KMT2C: variants seen among roughly 807,000 people sequenced by gnomAD.
The protein encoded by KMT2C is lysine methyltransferase 2C, also known as histone-lysine N-methyltransferase 2C.
Under a neutral mutation model 507.9 loss-of-function variants are expected in KMT2C, and 88 were observed. The ratio of observed to expected loss-of-function variants is 0.17; its 90% CI spans 0.15 to 0.21. The LOEUF (loss-of-function observed/expected upper bound fraction) is 0.21. Among genes scored for constraint, KMT2C ranks in the 10% least tolerant of loss-of-function variants. KMT2C has a pLI of 1.00. For synonymous variants in KMT2C, 2,049 were observed against 2,080.8 expected (o/e 0.98, Z 0.42); for missense variants, 4,954 against 5,957.8 (o/e 0.83, Z 5.55).
At chr7:152,256,917 T>C (rs2095670515) in intron 9 of KMT2C, among the ~76,000 whole-genome samples, 1 of 152,112 alleles carries the variant, frequency 6.6e-6, no homozygotes, top group Non-Finnish European at 1.5e-5. Flanking sequence ...CAATGCAAAG[T>C]ACCATAAGCC....
Position 152,194,524 on chromosome 7 carries a change from T to G in KMT2C, c.4423A>C (p.Asn1475His), listed in dbSNP as rs552628425. 6.8e-6 allele frequency: 11 copies of G among 1,613,016 alleles called. 1 individual carries two copies. The highest frequency in any genetic ancestry group is 8.5e-6 in the Non-Finnish European group (10 of 1,179,246). ...TDDPSSLPQP[N>H]VNQSSRPLSE... ...AATGGTCGTGAACTCTGATTGACAT[T>G]TGGCTGAGGCAAAGAGGAAGGATCA... The change falls in exon 29 of 59, where the codon AAT (asparagine) becomes CAT (histidine). Residue 1475 changes from asparagine (N) to histidine (H), a missense_variant. Asn to His is a moderately conservative substitution (Grantham distance 68). Transcript: ENST00000262189.
intron 1 of KMT2C, among the ~76,000 whole-genome samples, chr7:152,394,342 C>G (rs376134710): frequency 0.06 from 5,837 of 97,010 alleles, no homozygotes; most frequent in Non-Finnish European, 0.084. Flanking sequence ...CACAATCTGA[C>G]TCCCCACGCT....
In KMT2C at chr7:152,370,590, G is replaced by A. The variant is rs539918921; in HGVS notation, c.162-11915C>T. ...AAAACTAAAGACCAATTTCCTAAGT[G>A]AACATAAACACAAAAATCATCAAGA... On this transcript the variant is annotated intron_variant, in intron 1 of 58. Transcript: ENST00000262189. Among the ~76,000 whole-genome samples, 57 of 152,254 alleles carry A rather than the reference G, an allele frequency of 3.7e-4. 3 individuals carry two copies. The South Asian group carries it at 0.012, about 32-fold the overall frequency.
intron 31 of KMT2C, among the ~76,000 whole-genome samples, chr7:152,192,144 T>C (rs2093815296): frequency 6.6e-6 from 1 of 152,094 alleles, no homozygotes; most frequent in Admixed American, 6.5e-5. Context: ...TATAAAGAAA[T>C]ACATCTTTGA....
intron 16 of KMT2C, among the ~76,000 whole-genome samples, chr7:152,234,025 C>G (rs564356289): frequency 2.8e-4 from 42 of 151,952 alleles, no homozygotes; most frequent in Non-Finnish European, 5.4e-4. Flanking sequence ...ATCCCAGCTA[C>G]TCAGAAGGCT....
intron 1 of KMT2C, among the ~76,000 whole-genome samples, chr7:152,409,774 G>A (rs1000728417): frequency 3.9e-5 from 6 of 152,184 alleles, no homozygotes. Context: ...TAAAATGCTG[G>A]TTAAGTGACC....
chr7:152,290,277 T>TAC (rs2096396906), intron 6 of KMT2C, among the ~76,000 whole-genome samples: 1 of 33,874 alleles, frequency 3.0e-5, no homozygotes, highest in Non-Finnish European at 5.7e-5. Context: ...TATATATATA[T>TAC]ATATATATAT....
At chr7:152,165,527 C>G (rs1455413457) in intron 42 of KMT2C, among the ~76,000 whole-genome samples, 4 of 152,150 alleles carry the variant, frequency 2.6e-5, no homozygotes, top group Non-Finnish European at 5.9e-5. Flanking sequence ...ACCTTTCATT[C>G]TGGAATAATC....
intron 1 of KMT2C, among the ~76,000 whole-genome samples, chr7:152,433,669 A>G (rs1347466495): frequency 6.6e-6 from 1 of 152,236 alleles, no homozygotes; most frequent in Non-Finnish European, 1.5e-5. Context: ...TTGATTTTTC[A>G]TAGTTAGATT....
intron 24 of KMT2C, among the ~76,000 whole-genome samples, chr7:152,205,722 G>A (rs553684967): frequency 1.7e-4 from 26 of 152,198 alleles, no homozygotes; most frequent in East Asian, 5.8e-4. Context: ...TGAATTTAGC[G>A]TACCATACAG....
At chr7:152,275,325 A>G (rs2096062666) in intron 6 of KMT2C, among the ~76,000 whole-genome samples, 2 of 152,192 alleles carry the variant, frequency 1.3e-5, no homozygotes, top group African/African-American at 4.8e-5. Context: ...CGGGTGGATC[A>G]CGAGGTCAGG....
chr7:152,151,069 C>A, intron 50 of KMT2C, 62 bp from the exon 51 acceptor site: 1 of 981,946 alleles, frequency 1.0e-6, no homozygotes, highest in Non-Finnish European at 1.6e-6. Flanking sequence ...AAAACAGGAT[C>A]TATACATTAT....
rs192888032 is a variant in KMT2C at position 152,307,044 on chromosome 7, G to T, written c.849+2922C>A. 3.3e-5 allele frequency among the ~76,000 whole-genome samples: 5 copies of T among 152,102 alleles called. No individual in the cohort carries two copies. The East Asian group carries it at 9.7e-4, about 30-fold the overall frequency. ...CGAGGTGGCGCATGCCTGTGGTCCC[G>T]GATATTCGGGAGGCTCGGGGGAGAA... On this transcript the variant is annotated intron_variant, in intron 6 of 58. Transcript: ENST00000262189.
intron 41 of KMT2C, 125 bp from the exon 42 acceptor site, chr7:152,167,503 A>G (rs1225438511): frequency 3.2e-6 from 2 of 619,632 alleles, no homozygotes; most frequent in Non-Finnish European, 5.7e-6. Flanking sequence ...TGAAAACACA[A>G]TACTAAATAT....
chr7:152,290,286 ATATATATATTTTTTTTTTTTTT>A (rs2096400864), intron 6 of KMT2C, among the ~76,000 whole-genome samples: 24 of 33,812 alleles, frequency 7.1e-4, no homozygotes, highest in African/African-American at 3.3e-3. Context: ...ATATATATAT[ATATATATATTTTTTTTTTTTTT>A]TTTTTTTTTT....
intron 46 of KMT2C, among the ~76,000 whole-genome samples, chr7:152,155,505 T>C (rs946328354): frequency 1.3e-5 from 2 of 152,220 alleles, no homozygotes; most frequent in African/African-American, 4.8e-5. Context: ...CGTTCTCTGA[T>C]ATAGCAACTT....
At chr7:152,213,244 C>A (rs2094496218) in intron 23 of KMT2C, among the ~76,000 whole-genome samples, 1 of 152,032 alleles carries the variant, frequency 6.6e-6, no homozygotes, top group African/African-American at 2.4e-5. Flanking sequence ...TCATAAAAGA[C>A]CCTGAATAGC....
At chr7:152,296,161 G>C (rs923099574) in intron 6 of KMT2C, among the ~76,000 whole-genome samples, 14 of 152,098 alleles carry the variant, frequency 9.2e-5, no homozygotes, top group Admixed American at 7.2e-4. Context: ...GGGCGTGGTG[G>C]CTCACGCTTA....
chr7:152,223,772 C>G (rs1219304837), intron 20 of KMT2C, among the ~76,000 whole-genome samples: 1 of 152,004 alleles, frequency 6.6e-6, no homozygotes, highest in Non-Finnish European at 1.5e-5. Context: ...TGCACTCCAG[C>G]CTGGTGACAG....
Sources: gnomAD v4.1 joint callset for allele counts (sites outside exome capture counted in the v4.1 genomes callset) on GRCh38, gnomAD v4.1.1 for gene constraint, MANE v1.5 for transcripts, NCBI Gene and HGNC (gene_info 2026-07-23, HGNC 2026-07-21) for gene names.